The following KMT2C variants were observed in gnomAD, a reference collection of about 807,000 sequenced individuals.
The protein encoded by KMT2C is histone-lysine N-methyltransferase 2C.
KMT2C carries 88 observed loss-of-function variants against 507.9 expected under a neutral mutation model. That is an observed-to-expected ratio of 0.17 (90% CI 0.15 to 0.21). The LOEUF is 0.21. KMT2C is among the 10% of genes least tolerant of loss of function. KMT2C has a pLI of 1.00. For synonymous variants in KMT2C, 2,049 were observed against 2,080.8 expected (o/e 0.98, Z 0.42); for missense variants, 4,954 against 5,957.8 (o/e 0.83, Z 5.55).
intron 53 of KMT2C, among the ~76,000 whole-genome samples, chr7:152,145,894 A>T (rs1238651409): frequency 1.3e-5 from 2 of 152,168 alleles, no homozygotes; most frequent in Non-Finnish European, 2.9e-5. Context: ...TTGCTTGTGA[A>T]ATTTATTTCT....
chr7:152,182,817 A>G (rs1435102403), intron 35 of KMT2C, among the ~76,000 whole-genome samples, 157 bp downstream of exon 35: 5 of 152,202 alleles, frequency 3.3e-5, no homozygotes, highest in Admixed American at 1.3e-4. Flanking sequence ...AAATTTCTCA[A>G]ATCAATTTAA....
In KMT2C at chr7:152,181,548, T is replaced by G; in HGVS notation, c.6312A>C (p.Ala2104=). 1 of 1,614,002 alleles carries G rather than the reference T, an allele frequency of 6.2e-7. No individual in the cohort carries two copies. The highest frequency in any genetic ancestry group is 1.1e-5 in the South Asian group (1 of 91,068). The change falls in exon 36 of 59, where the codon GCA becomes GCC. Residue 2104 remains alanine, a synonymous_variant. Transcript: ENST00000262189. ...YSQPPLTPHP[A]VNESFAHPSR... ...AAGGATGGGCAAAAGATTCATTCAC[T>G]GCTGGATGTGGGGTAAGGGGAGGCT...
chr7:152,178,837 T>C (rs1448017308), intron 37 of KMT2C, among the ~76,000 whole-genome samples: 1 of 152,208 alleles, frequency 6.6e-6, no homozygotes, highest in Non-Finnish European at 1.5e-5. Context: ...ACTATTTCCT[T>C]ATTATAACTA....
chr7:152,391,142 C>CAAAAAA (rs1195125465), intron 1 of KMT2C, among the ~76,000 whole-genome samples: 1,516 of 34,716 alleles, frequency 0.044, 334 homozygotes, highest in East Asian at 0.065. Context: ...AGACTGTCTC[C>CAAAAAA]AAAAAAAAAA....
At chr7:152,259,515 A>G (rs12333748) in intron 9 of KMT2C, among the ~76,000 whole-genome samples, 3,018 of 151,414 alleles carry the variant, frequency 0.02, 112 homozygotes, top group African/African-American at 0.07. Flanking sequence ...GGGCATGCCC[A>G]GTGACAATGA....
chr7:152,427,514 T>C (rs1290143120), intron 1 of KMT2C, among the ~76,000 whole-genome samples: 1 of 152,226 alleles, frequency 6.6e-6, no homozygotes, highest in African/African-American at 2.4e-5. Context: ...TCTATCTCTA[T>C]GTCTTGATTT....
chr7:152,313,234 T>C (rs1254964995), intron 4 of KMT2C, among the ~76,000 whole-genome samples: 1 of 151,908 alleles, frequency 6.6e-6, no homozygotes, highest in Admixed American at 6.6e-5. Flanking sequence ...GTTATTTTAT[T>C]GGGAGAAAAA....
chr7:152,259,247 T>G (rs1588662694), intron 9 of KMT2C, among the ~76,000 whole-genome samples: 1 of 152,158 alleles, frequency 6.6e-6, no homozygotes. Context: ...ATAACTGGAA[T>G]ATGGCTAGTA....
chr7:152,161,961 T>C (rs2092477399), intron 43 of KMT2C, among the ~76,000 whole-genome samples, 156 bp downstream of exon 43: 1 of 152,178 alleles, frequency 6.6e-6, no homozygotes. Context: ...AGTAAAAACA[T>C]GGGTTCCAGA....
intron 6 of KMT2C, among the ~76,000 whole-genome samples, chr7:152,289,515 TC>T (rs2096369389): frequency 1.3e-5 from 2 of 152,222 alleles, no homozygotes; most frequent in Admixed American, 1.3e-4. Flanking sequence ...AATGCTTTTT[TC>T]ATGGAACACC....
chr7:152,152,024 A>G (rs1329601555), intron 49 of KMT2C, among the ~76,000 whole-genome samples: 4 of 152,240 alleles, frequency 2.6e-5, no homozygotes, highest in Non-Finnish European at 4.4e-5. Flanking sequence ...AAGGCCAAGG[A>G]TAAGAAGGTA....
intron 37 of KMT2C, among the ~76,000 whole-genome samples, chr7:152,179,091 A>T (rs1226699372): frequency 1.3e-5 from 2 of 152,198 alleles, no homozygotes; most frequent in Non-Finnish European, 2.9e-5. Context: ...CCTGGGTTCA[A>T]GTGATCCTTT....
chr7:152,366,887 G>C (rs1030317813), intron 1 of KMT2C: 1 of 393,984 alleles, frequency 2.5e-6, no homozygotes, highest in African/African-American at 2.2e-5. Flanking sequence ...GCAAGGGCCA[G>C]ACGCGGCGCG....
chr7:152,320,910 A>G (rs1403484083), intron 3 of KMT2C, among the ~76,000 whole-genome samples: 1 of 152,016 alleles, frequency 6.6e-6, no homozygotes, highest in Non-Finnish European at 1.5e-5. Flanking sequence ...ATAATGCAGT[A>G]AAACTAAAAA....
At chr7:152,351,170 TAAGAA>T (rs1242742740) in intron 2 of KMT2C, among the ~76,000 whole-genome samples, 2 of 152,174 alleles carry the variant, frequency 1.3e-5, no homozygotes, top group African/African-American at 2.4e-5. Context: ...CTTTTTTGCT[TAAGAA>T]AAGGGGTACA....
chr7:152,340,540 GA>G (rs2096981718), intron 2 of KMT2C, among the ~76,000 whole-genome samples: 1 of 152,000 alleles, frequency 6.6e-6, no homozygotes, highest in Non-Finnish European at 1.5e-5. Flanking sequence ...CACTATATTA[GA>G]AAAAGCAAAT....
intron 1 of KMT2C, among the ~76,000 whole-genome samples, chr7:152,408,444 T>A (rs1187503479): frequency 1.3e-5 from 2 of 152,224 alleles, no homozygotes; most frequent in African/African-American, 2.4e-5. Flanking sequence ...GTACTCAGGG[T>A]TCCCCCCACC....
intron 1 of KMT2C, chr7:152,367,404 G>C (rs2097256336): frequency 2.9e-6 from 2 of 689,590 alleles, no homozygotes; most frequent in Non-Finnish European, 5.1e-6. Flanking sequence ...TACAAAGTGA[G>C]ACAGGGTCTC....
intron 6 of KMT2C, among the ~76,000 whole-genome samples, chr7:152,295,762 A>T (rs1447731850): frequency 6.6e-6 from 1 of 152,134 alleles, no homozygotes; most frequent in Non-Finnish European, 1.5e-5. Context: ...TTTATCAGTT[A>T]TTGGTTTAAG....
Sources: allele counts gnomAD v4.1 joint callset (sites outside exome capture counted in the v4.1 genomes callset), GRCh38; gene constraint gnomAD v4.1.1; transcripts MANE v1.5; gene names NCBI Gene and HGNC (gene_info 2026-07-23, HGNC 2026-07-21).